The following STPG2 variants were observed in gnomAD, a reference collection of about 807,000 sequenced individuals.
The protein encoded by STPG2 is sperm-tail PG-rich repeat-containing protein 2.
STPG2 carries 56 observed loss-of-function variants against 54.2 expected under a neutral mutation model. The ratio of observed to expected loss-of-function variants is 1.03; its 90% confidence interval spans 0.83 to 1.29. The LOEUF (loss-of-function observed/expected upper bound fraction) is 1.29, where lower values mean the gene tolerates loss of function less well. Ranked by LOEUF, STPG2 falls within the 50% of genes most tolerant of loss-of-function variation. The pLI is 0.00. For synonymous variants in STPG2, 200 were observed against 181.8 expected (o/e 1.10, Z -0.81); for missense variants, 596 against 544.9 (o/e 1.09, Z -0.93).
chr4:97,579,937 A>G (rs1385823758), intron 10 of STPG2, among the ~76,000 whole-genome samples: 1 of 152,058 alleles, frequency 6.6e-6, no homozygotes, highest in East Asian at 1.9e-4. Flanking sequence ...TCAACACTTT[A>G]TTTATCTATC....
intron 10 of STPG2, among the ~76,000 whole-genome samples, chr4:97,647,825 G>A (rs572172814): frequency 6.6e-6 from 1 of 152,236 alleles, no homozygotes; most frequent in South Asian, 2.1e-4. Flanking sequence ...GAATGGGCCA[G>A]TCAAAGAGCT....
chr4:97,801,167 T>C (rs1727383166), intron 9 of STPG2, among the ~76,000 whole-genome samples: 1 of 152,150 alleles, frequency 6.6e-6, no homozygotes, highest in South Asian at 2.1e-4. Context: ...CAGCTCATGC[T>C]CAGTGGGCTG....
At chr4:97,708,611 A>C (rs1018275932) in intron 10 of STPG2, among the ~76,000 whole-genome samples, 2 of 151,938 alleles carry the variant, frequency 1.3e-5, no homozygotes, top group Non-Finnish European at 2.9e-5. Context: ...TAATAGAAAA[A>C]TTGAAAACTT....
chr4:98,004,970 T>TAAAAAA lies in STPG2; in HGVS notation c.613-23658_613-23653dup, dbSNP rs70953102. 4.5e-3 allele frequency among the ~76,000 whole-genome samples: 643 copies of TAAAAAA among 142,450 alleles called. 5 individuals carry two copies. Among genetic ancestry groups the TAAAAAA allele is most frequent in the Middle Eastern group, 0.032 (9 of 278 alleles). The allele number at this position is 142,450 out of a possible 152,430, so 93.5% of individuals were successfully genotyped here. On this transcript the variant is annotated intron_variant, in intron 5 of 10. Coordinates refer to ENST00000295268, the MANE Select transcript of STPG2 (RefSeq NM_174952.3). The stretch of plus-strand genomic sequence containing the variant: ...CTCTGTTGACTATTTTCTTTGCTGT[T>TAAAAAA]AAAAAAAAAAAAAGCTTTTTAGTTT...
rs540867578 is a variant in STPG2 at position 97,746,494 on chromosome 4, A to C, written c.1205-33680T>G. Among the ~76,000 whole-genome samples, 8 of 151,424 alleles carry C rather than the reference A, an allele frequency of 5.3e-5. No homozygotes were observed. In the East Asian group the frequency reaches 1.4e-3, roughly 26 times the overall value. ...CAGAAGGGACAAAACTTTTTCATTA[A>C]AGAATAATACTGAGAAGTAGCTTTA... is the stretch of plus-strand genomic sequence containing the variant. On this transcript the variant is annotated intron_variant, in intron 9 of 10. Transcript: ENST00000295268.
intron 3 of STPG2, among the ~76,000 whole-genome samples, chr4:98,125,724 C>A (rs1739810375): frequency 6.6e-6 from 1 of 152,138 alleles, no homozygotes; most frequent in South Asian, 2.1e-4. Flanking sequence ...GGATGAATCC[C>A]CCTTGTCTAG....
At chr4:97,960,606 A>T (rs1733848067) in intron 7 of STPG2, among the ~76,000 whole-genome samples, 1 of 152,126 alleles carries the variant, frequency 6.6e-6, no homozygotes, top group Non-Finnish European at 1.5e-5. Context: ...AATAGCTTCA[A>T]GAAAAATAAA....
intron 10 of STPG2, among the ~76,000 whole-genome samples, chr4:97,583,509 C>G (rs1171531190): frequency 6.6e-6 from 1 of 151,638 alleles, no homozygotes; most frequent in Non-Finnish European, 1.5e-5. Context: ...CATGAACTGA[C>G]AGAAAAACAT....
At chr4:97,490,210 C>G (rs1020190656) in intron 4 of STPG2, 7 of 150,922 alleles carry the variant, frequency 4.6e-5, no homozygotes, top group African/African-American at 1.7e-4. Flanking sequence ...TATTCCCACC[C>G]CTCCCCCCAT....
intron 9 of STPG2, 145 bp downstream of exon 9, chr4:97,840,624 GTTAC>G: frequency 1.3e-6 from 1 of 790,418 alleles, no homozygotes; most frequent in Non-Finnish European, 2.0e-6. Flanking sequence ...ATGTTATTTT[GTTAC>G]AGCACTGATG....
At chr4:98,070,932 T>A (rs1181700758) in intron 5 of STPG2, among the ~76,000 whole-genome samples, 1 of 152,150 alleles carries the variant, frequency 6.6e-6, no homozygotes, top group Admixed American at 6.6e-5. Context: ...ACATCCATAC[T>A]GCCCAAAGTA....
chr4:98,042,809 C>T (rs147412917), intron 5 of STPG2, among the ~76,000 whole-genome samples: 5 of 152,058 alleles, frequency 3.3e-5, no homozygotes, highest in Admixed American at 2.0e-4. Context: ...TCTATTAGGT[C>T]CATTTGGTCT....
intron 8 of STPG2, among the ~76,000 whole-genome samples, chr4:97,913,355 A>C (rs892542047): frequency 2.0e-5 from 3 of 152,198 alleles, no homozygotes; most frequent in African/African-American, 7.2e-5. Context: ...AATTAGAGCA[A>C]ATAAAGAAGT....
At chr4:97,902,766 C>A (rs190261146) in intron 8 of STPG2, among the ~76,000 whole-genome samples, 1 of 152,234 alleles carries the variant, frequency 6.6e-6, no homozygotes, top group Admixed American at 6.5e-5. Flanking sequence ...AATAGAACTA[C>A]TGTATGATCC....
At position 97,603,353 on chromosome 4, in the gene STPG2, C is replaced by A. The variant is rs1490148463; in HGVS notation, c.1321-44236G>T. On this transcript the variant is annotated intron_variant, in intron 10 of 10. Coordinates refer to ENST00000295268, the MANE Select transcript of STPG2 (RefSeq NM_174952.3). ...ATGTGTACAAATTGGAACAGTTGTA[C>A]ATGGCTGTTGGGAATGTAGAATAGT... is the stretch of plus-strand genomic sequence containing the variant. Among the ~76,000 whole-genome samples the A allele has an allele frequency of 2.0e-5, 3 of 151,714 alleles. No homozygotes were observed. The East Asian group carries it at 5.8e-4, about 29-fold the overall frequency.
intron 4 of STPG2, among the ~76,000 whole-genome samples, chr4:97,476,515 A>G (rs910619228): frequency 6.6e-5 from 10 of 152,020 alleles, no homozygotes; most frequent in Non-Finnish European, 1.0e-4. Context: ...TTATTTTTCC[A>G]TATTGCATTG....
At chr4:97,587,127 C>G (rs989035012) in intron 10 of STPG2, among the ~76,000 whole-genome samples, 2 of 151,828 alleles carry the variant, frequency 1.3e-5, no homozygotes, top group East Asian at 3.9e-4. Context: ...TTGTATTTTT[C>G]AGAATGATTA....
Position 97,630,623 on chromosome 4 carries a change from TCTTC to T in STPG2, c.1321-71510_1321-71507del, listed in dbSNP as rs548258809. On this transcript the variant is annotated intron_variant, in intron 10 of 10. Transcript: ENST00000295268. Reference sequence around the variant, plus strand: ...GAAATTCAGATTTTGAAAAACACATTCTTCCTTTAGCAAAAATAAATATTAGCTT... The same window carrying T: ...GAAATTCAGATTTTGAAAAACACATTCTTTAGCAAAAATAAATATTAGCTT... Among the ~76,000 whole-genome samples, 7 of 151,970 alleles carry T rather than the reference TCTTC, an allele frequency of 4.6e-5. No individual in the cohort carries two copies. The South Asian group carries it at 1.5e-3, about 32-fold the overall frequency.
chr4:97,843,430 G>A lies in STPG2; in HGVS notation c.1045-2498C>T, dbSNP rs1379028728. On this transcript the variant is annotated intron_variant, in intron 8 of 10. Transcript: ENST00000295268. ...CCCTAAAATAACATAAAGAAGCATAGAATTTGTATGATTAATGTGCATAAA... is the reference window on the plus strand; with the variant it reads ...CCCTAAAATAACATAAAGAAGCATAAAATTTGTATGATTAATGTGCATAAA... Among the ~76,000 whole-genome samples, 3 of 151,892 alleles carry A rather than the reference G, an allele frequency of 2.0e-5. No individual in the cohort carries two copies. The East Asian group carries it at 5.8e-4, about 29-fold the overall frequency.
Sources: gnomAD v4.1 joint callset for allele counts (sites outside exome capture counted in the v4.1 genomes callset) on GRCh38, gnomAD v4.1.1 for gene constraint, MANE v1.5 for transcripts, NCBI Gene and HGNC (gene_info 2026-07-23, HGNC 2026-07-21) for gene names.